Variants in BAIAP2L2 observed in about 807,000 individuals in gnomAD.
BAIAP2L2 encodes the protein BAR/IMD domain-containing adapter protein 2-like 2.
Under a neutral mutation model 60.4 loss-of-function variants are expected in BAIAP2L2, and 65 were observed. The ratio of observed to expected loss-of-function variants is 1.08; its 90% CI spans 0.88 to 1.32. The LOEUF is 1.32. Ranked by LOEUF, BAIAP2L2 falls within the 40% of genes most tolerant of loss-of-function variation. The pLI is 0.00. For synonymous variants in BAIAP2L2, 344 were observed against 301.7 expected (o/e 1.14, Z -1.45); for missense variants, 836 against 741.2 (o/e 1.13, Z -1.48).
At chr22:38,110,315 G>A (rs1230627271) in intron 1 of BAIAP2L2, among the ~76,000 whole-genome samples, 160 bp downstream of exon 1, 1 of 151,776 alleles carries the variant, frequency 6.6e-6, no homozygotes, top group Non-Finnish European at 1.5e-5. Context: ...GTGCTCTCGG[G>A]GATCCTTACC....
At chr22:38,100,026 G>T (rs2086532799) in intron 4 of BAIAP2L2, among the ~76,000 whole-genome samples, 1 of 152,198 alleles carries the variant, frequency 6.6e-6, no homozygotes, top group African/African-American at 2.4e-5. Flanking sequence ...GTGCCTCTTT[G>T]GTACTGAAAC....
intron 4 of BAIAP2L2, among the ~76,000 whole-genome samples, chr22:38,100,526 CAATAAATA>C (rs56224721): frequency 0.76 from 105,842 of 139,802 alleles, 40,317 homozygotes; most frequent in East Asian, 0.85. Flanking sequence ...AACTCCGTCT[CAATAAATA>C]AATAAATAAA....
chr22:38,103,215 C>G (rs1054021136), intron 4 of BAIAP2L2, among the ~76,000 whole-genome samples: 3 of 151,932 alleles, frequency 2.0e-5, no homozygotes, highest in Non-Finnish European at 4.4e-5. Flanking sequence ...GACTCTGCCT[C>G]TGAAAATAAA....
In BAIAP2L2 at chr22:38,094,405, C is replaced by G. The variant is rs148322557; in HGVS notation, c.612+2627G>C. Among the ~76,000 whole-genome samples, 768 of 152,208 alleles carry G rather than the reference C, an allele frequency of 5.0e-3. 3 individuals are homozygous for G. The highest frequency in any genetic ancestry group is 0.018 in the African/African-American group (731 of 41,520). ...TTCACCATGTTGGCCAGGGTGGCCTCGAACTCCTGTCCTCAGGTGATCCAC... is the reference window on the plus strand; with the variant it reads ...TTCACCATGTTGGCCAGGGTGGCCTGGAACTCCTGTCCTCAGGTGATCCAC... On this transcript the variant is annotated intron_variant, in intron 7 of 13. Transcript: ENST00000381669.
intron 7 of BAIAP2L2, chr22:38,090,334 CT>C (rs991066995): frequency 6.6e-6 from 1 of 152,020 alleles, no homozygotes; most frequent in African/African-American, 2.4e-5. Flanking sequence ...TGGTCTCAAA[CT>C]CCTGACCTCA....
At chr22:38,107,978 C>A (rs772439651) in intron 3 of BAIAP2L2, 65 bp from the exon 4 acceptor site, 187 of 1,536,232 alleles carry the variant, frequency 1.2e-4, no homozygotes, top group Non-Finnish European at 1.6e-4. Context: ...CCACCACCCT[C>A]TTCCGCTGAA....
At chr22:38,104,609 C>A (rs2086627255) in intron 4 of BAIAP2L2, among the ~76,000 whole-genome samples, 1 of 151,632 alleles carries the variant, frequency 6.6e-6, no homozygotes, top group African/African-American at 2.4e-5. Context: ...CATTCTCCTG[C>A]CTCAGCCTCC....
At chr22:38,090,591 A>G (rs1219317240) in intron 7 of BAIAP2L2, 1 of 152,212 alleles carries the variant, frequency 6.6e-6, no homozygotes, top group East Asian at 1.9e-4. Flanking sequence ...TTTGTCGAGC[A>G]GTGACTCCAT....
rs2086044596 is a variant in BAIAP2L2 at position 38,085,749 on chromosome 22, G to A, written c.1468-17C>T. ...CATCAGTTTCTGCAGTGGGGGTGGG[G>A]AAGGGCTGGTTTGGTGGGGAGAGGG... is the stretch of plus-strand genomic sequence containing the variant. On this transcript the variant is annotated splice_polypyrimidine_tract_variant and intron_variant, in intron 12 of 13. Coordinates refer to ENST00000381669, the MANE Select transcript of BAIAP2L2 (RefSeq NM_025045.6). 1.3e-6 allele frequency: 2 copies of A among 1,587,416 alleles called. No individual in the cohort carries two copies. The highest frequency in any genetic ancestry group is 2.7e-5 in the African/African-American group (2 of 74,060).
intron 4 of BAIAP2L2, among the ~76,000 whole-genome samples, chr22:38,105,890 T>G (rs1602030139): frequency 3.3e-5 from 5 of 152,160 alleles, no homozygotes; most frequent in African/African-American, 1.2e-4. Flanking sequence ...GAGCTGCAGG[T>G]GGGGGTGGCC....
intron 4 of BAIAP2L2, among the ~76,000 whole-genome samples, chr22:38,104,473 G>T (rs4821738): frequency 0.43 from 64,597 of 151,406 alleles, 15,039 homozygotes; most frequent in South Asian, 0.62. Context: ...GGGGAACCCG[G>T]AGGTTCGAAG....
chr22:38,089,692 C>CG lies in BAIAP2L2; in HGVS notation c.613-19dup, dbSNP rs1230154192. On this transcript the variant is annotated intron_variant, in intron 7 of 13. Coordinates refer to ENST00000381669, the MANE Select transcript of BAIAP2L2 (RefSeq NM_025045.6). ...CCCCGGGCCTGGCCGGGCGGGGACA[C>CG]GGGGGTCAGCCAGGTCCGGGCGGCT... 9 of 1,229,156 alleles carry CG rather than the reference C, an allele frequency of 7.3e-6. No homozygotes were observed. The highest frequency in any genetic ancestry group is 9.1e-6 in the Non-Finnish European group (9 of 986,304). The allele number at this position is 1,229,156 out of a possible 1,614,324, so 76.1% of individuals were successfully genotyped here.
chr22:38,104,761 G>C (rs1422720840), intron 4 of BAIAP2L2, among the ~76,000 whole-genome samples: 1 of 152,116 alleles, frequency 6.6e-6, no homozygotes, highest in African/African-American at 2.4e-5. Context: ...CTCCCAAAGT[G>C]CTGGGATTAC....
chr22:38,100,098 A>G (rs2086534240), intron 4 of BAIAP2L2, among the ~76,000 whole-genome samples: 1 of 152,182 alleles, frequency 6.6e-6, no homozygotes, highest in South Asian at 2.1e-4. Flanking sequence ...AGGAAGTGGC[A>G]CGTAGGTTTC....
Position 38,087,205 on chromosome 22 carries a change from A to G in BAIAP2L2, c.1178T>C (p.Met393Thr). Residue 393 changes from methionine (M) to threonine (T), a missense_variant, in exon 11 of 14, where the codon ATG (methionine) becomes ACG (threonine). Transcript: ENST00000381669. Reference sequence around the variant, plus strand: ...GGAGGTCATGGGGGTCACGGGGGTCATGGGATTCACGGGCCCCTCCTCCAG... The same window carrying G: ...GGAGGTCATGGGGGTCACGGGGGTCGTGGGATTCACGGGCCCCTCCTCCAG... Reference protein sequence around the residue: ...KALEEGPVNPMTPVTPMTSMT... With the variant: ...KALEEGPVNPTTPVTPMTSMT... 1 of 1,604,840 alleles carries G rather than the reference A, an allele frequency of 6.2e-7. No homozygotes were observed. Among genetic ancestry groups the G allele is most frequent in the Non-Finnish European group, 8.5e-7 (1 of 1,176,498 alleles).
At chr22:38,108,940 G>T (rs548658231) in intron 2 of BAIAP2L2, among the ~76,000 whole-genome samples, 193 bp downstream of exon 2, 1 of 151,996 alleles carries the variant, frequency 6.6e-6, no homozygotes, top group African/African-American at 2.4e-5. Flanking sequence ...GTGGACTGGG[G>T]TGCGTGGGCA....
intron 3 of BAIAP2L2, 95 bp from the exon 4 acceptor site, chr22:38,108,008 C>A (rs530001532): frequency 2.2e-6 from 3 of 1,369,850 alleles, no homozygotes; most frequent in East Asian, 2.4e-5. Context: ...AGGGCCTGCC[C>A]GAGACTGGAT....
intron 4 of BAIAP2L2, among the ~76,000 whole-genome samples, chr22:38,105,508 A>AT (rs2086648719): frequency 6.6e-6 from 1 of 151,484 alleles, no homozygotes; most frequent in Non-Finnish European, 1.5e-5. Flanking sequence ...TGCGCGGCTA[A>AT]TTTTTTGTAT....
At chr22:38,108,125 C>T (rs1325899665) in intron 3 of BAIAP2L2, 130 bp downstream of exon 3, 21 of 1,010,704 alleles carry the variant, frequency 2.1e-5, no homozygotes, top group East Asian at 7.8e-5. Context: ...GGAGCCTGGG[C>T]CCCAGAACAA....
Sources: gnomAD v4.1 joint callset for allele counts (sites outside exome capture counted in the v4.1 genomes callset) on GRCh38, gnomAD v4.1.1 for gene constraint, MANE v1.5 for transcripts, NCBI Gene and HGNC (gene_info 2026-07-23, HGNC 2026-07-21) for gene names.